Variants in BIRC6 observed in about 807,000 individuals in gnomAD.
BIRC6 encodes dual E2 ubiquitin-conjugating enzyme/E3 ubiquitin-protein ligase BIRC6.
In BIRC6, 98 loss-of-function variants were observed where a neutral mutation model predicts 503.3. The ratio of observed to expected loss-of-function variants is 0.19; its 90% confidence interval spans 0.17 to 0.23. The LOEUF (loss-of-function observed/expected upper bound fraction) is 0.23. BIRC6 is among the 10% of genes least tolerant of loss of function. The pLI is 1.00. For missense variants in BIRC6, 5,360 were observed against 5,806.0 expected (o/e 0.92, Z 2.50); for synonymous variants, 2,240 against 2,078.7 (o/e 1.08, Z -2.11).
chr2:32,397,664 A>G (rs563057191), intron 6 of BIRC6, among the ~76,000 whole-genome samples: 11 of 136,432 alleles, frequency 8.1e-5, no homozygotes, highest in South Asian at 2.6e-4. Context: ...ATATATGTGT[A>G]TATATATATA....
chr2:32,357,288 T>TCGGCGG lies in BIRC6; in HGVS notation c.131_136dup (p.Ala44_Ala45dup). ...GGCGGCCTCGGGCCCCGGCTGCTCCTCGGCGGCGGGGGCGGGGGCGGCCGG... is the reference window on the plus strand; with the variant it reads ...GGCGGCCTCGGGCCCCGGCTGCTCCTCGGCGGCGGCGGCGGGGGCGGGGGCGGCCGG... On this transcript the variant is annotated inframe_insertion, in exon 1 of 74. Transcript: ENST00000421745. The surrounding 1 kb of genome is among the most constrained non-coding windows in gnomAD (Gnocchi z 4.9). 6.6e-7 allele frequency: 1 copy of TCGGCGG among 1,524,744 alleles called. No homozygotes were observed. The highest frequency in any genetic ancestry group is 2.1e-5 in the Admixed American group (1 of 47,426). The allele number at this position is 1,524,744 out of a possible 1,614,324, so 94.5% of individuals were successfully genotyped here.
At chr2:32,425,680 T>G (rs1449367632) in intron 10 of BIRC6, among the ~76,000 whole-genome samples, 1 of 152,210 alleles carries the variant, frequency 6.6e-6, no homozygotes, top group African/African-American at 2.4e-5. Flanking sequence ...AAGAGTTCTA[T>G]CTCTTTAAAT....
chr2:32,389,995 G>A lies in BIRC6; in HGVS notation c.839+1052G>A, dbSNP rs181969719. On this transcript the variant is annotated intron_variant, in intron 4 of 73. Coordinates refer to ENST00000421745, the MANE Select transcript of BIRC6 (RefSeq NM_016252.4). ...CTGCCTCAGCCTCCTTGGTAGCTGG[G>A]ATTACAGACATGTGCCACCATACCG... Among the ~76,000 whole-genome samples the A allele has an allele frequency of 4.9e-4, 74 of 152,000 alleles. 3 individuals are homozygous for A. In the East Asian group the frequency reaches 0.011, roughly 23 times the overall value.
intron 10 of BIRC6, among the ~76,000 whole-genome samples, chr2:32,427,270 T>C (rs1172971219): frequency 6.6e-6 from 1 of 150,774 alleles, no homozygotes; most frequent in Non-Finnish European, 1.5e-5. Context: ...CAAGCTTCTT[T>C]TAATTTTTAT....
chr2:32,425,459 A>G (rs1381889418), intron 10 of BIRC6, among the ~76,000 whole-genome samples: 9 of 148,744 alleles, frequency 6.1e-5, no homozygotes, highest in African/African-American at 2.2e-4. Flanking sequence ...TCTCCTGTAA[A>G]TGGGCCATAC....
chr2:32,612,206 C>T (rs2062926312), intron 73 of BIRC6, among the ~76,000 whole-genome samples: 1 of 152,174 alleles, frequency 6.6e-6, no homozygotes, highest in Non-Finnish European at 1.5e-5. Flanking sequence ...TTCCCTAGGC[C>T]TCCTGCCTTC....
chr2:32,587,267 G>T (rs1487027583), intron 66 of BIRC6, among the ~76,000 whole-genome samples: 2 of 152,114 alleles, frequency 1.3e-5, no homozygotes, highest in Non-Finnish European at 2.9e-5. Context: ...CGCGCCTGTA[G>T]TCCCAGCTAC....
chr2:32,371,184 C>G (rs900634788), intron 1 of BIRC6, among the ~76,000 whole-genome samples: 1 of 136,324 alleles, frequency 7.3e-6, no homozygotes, highest in African/African-American at 2.8e-5. Context: ...TTGCACCACT[C>G]CAGCCTGGGC....
chr2:32,568,448 C>T (rs2059683875), intron 65 of BIRC6, among the ~76,000 whole-genome samples: 2 of 131,164 alleles, frequency 1.5e-5, no homozygotes, highest in African/African-American at 2.9e-5. Context: ...GCAATGGTTA[C>T]ACCATTGCAC....
chr2:32,581,402 G>T (rs2060664277), intron 66 of BIRC6, among the ~76,000 whole-genome samples: 1 of 152,170 alleles, frequency 6.6e-6, no homozygotes, highest in Admixed American at 6.5e-5. Context: ...TTCTTTGTTA[G>T]AATGCAGAAC....
At position 32,550,623 on chromosome 2, in the gene BIRC6, A is replaced by G. The variant is rs146568577; in HGVS notation, c.13144+1142A>G. 4.4e-3 allele frequency among the ~76,000 whole-genome samples: 665 copies of G among 152,244 alleles called. 3 individuals carry two copies. The highest frequency in any genetic ancestry group is 0.015 in the African/African-American group (632 of 41,554). On this transcript the variant is annotated intron_variant, in intron 65 of 73. Coordinates refer to ENST00000421745, the MANE Select transcript of BIRC6 (RefSeq NM_016252.4). The stretch of plus-strand genomic sequence containing the variant: ...TTTCTTTTTATCTCACTTCTCTATT[A>G]TTAAACTATTATTTTCTTAATCCTT...
chr2:32,481,197 GAGT>G, intron 37 of BIRC6, 120 bp from the exon 38 acceptor site: 1 of 799,098 alleles, frequency 1.3e-6, no homozygotes, highest in South Asian at 2.9e-5. Flanking sequence ...TGCATACATA[GAGT>G]TTTTTTTTTT....
chr2:32,481,753 G>A (rs1016972533), intron 38 of BIRC6, among the ~76,000 whole-genome samples: 4 of 150,928 alleles, frequency 2.7e-5, no homozygotes, highest in South Asian at 2.1e-4. Flanking sequence ...GTGACAGAAC[G>A]AGACTCTGTC....
At chr2:32,420,874 T>G (rs2042862314) in intron 10 of BIRC6, among the ~76,000 whole-genome samples, 1 of 151,934 alleles carries the variant, frequency 6.6e-6, no homozygotes, top group African/African-American at 2.4e-5. Context: ...TTTGTGATAC[T>G]GATCGATGAT....
chr2:32,602,876 G>C, intron 70 of BIRC6, 130 bp from the exon 71 acceptor site: 2 of 645,298 alleles, frequency 3.1e-6, no homozygotes. Context: ...CAACCCTTAG[G>C]GTTTTATCTA....
intron 6 of BIRC6, among the ~76,000 whole-genome samples, chr2:32,397,117 C>G (rs2039986057): frequency 6.6e-6 from 1 of 152,160 alleles, no homozygotes; most frequent in African/African-American, 2.4e-5. Context: ...AAATATCTTA[C>G]TGTACTGTAC....
chr2:32,592,350 G>A (rs889698691), intron 66 of BIRC6, among the ~76,000 whole-genome samples: 1 of 152,150 alleles, frequency 6.6e-6, no homozygotes, highest in African/African-American at 2.4e-5. Flanking sequence ...GGTGACATAA[G>A]TTTTTACCTT....
In BIRC6 at chr2:32,513,029, A is replaced by T. The variant is rs753637661; in HGVS notation, c.10443A>T (p.Thr3481=). The T allele has an allele frequency of 7.6e-5, 122 of 1,613,842 alleles. No individual in the cohort carries two copies. Among genetic ancestry groups the T allele is most frequent in the Non-Finnish European group, 8.5e-7 (1 of 1,179,854 alleles). Residue 3481 remains threonine (T), a synonymous_variant, in exon 54 of 74, where the codon ACA becomes ACT. Coordinates refer to ENST00000421745, the MANE Select transcript of BIRC6 (RefSeq NM_016252.4). The stretch of plus-strand genomic sequence containing the variant: ...ACTACATGTGTCCTAACTCCTCAAC[A>T]GTAGAGTATGGTCTTCTGATGCCAT... ...RMNYMCPNSS[T]VEYGLLMPSP...
intron 70 of BIRC6, among the ~76,000 whole-genome samples, chr2:32,602,073 A>G (rs1003041772): frequency 7.2e-5 from 11 of 152,378 alleles, no homozygotes; most frequent in Middle Eastern, 3.4e-3. Flanking sequence ...CATATGATCT[A>G]TCAGTCCCAC....
Sources: allele counts gnomAD v4.1 joint callset (sites outside exome capture counted in the v4.1 genomes callset), GRCh38; gene constraint gnomAD v4.1.1; non-coding constraint Gnocchi (gnomAD v3.1); transcripts MANE v1.5; gene names NCBI Gene and HGNC (gene_info 2026-07-23, HGNC 2026-07-21).